CHCHD6: variants seen among roughly 807,000 people sequenced by gnomAD.
The protein encoded by CHCHD6 is coiled-coil-helix-coiled-coil-helix domain containing 6.
CHCHD6 carries 28 observed loss-of-function variants against 32.3 expected under a neutral mutation model. The observed-to-expected ratio is 0.87, with a 90% CI of 0.64 to 1.19. The LOEUF is 1.19. CHCHD6 is among the 50% of genes most tolerant of loss of function. The pLI, the probability that CHCHD6 is intolerant of heterozygous loss-of-function variation, is 0.00. For missense variants in CHCHD6, 333 were observed against 307.0 expected (o/e 1.08, Z -0.63); for synonymous variants, 122 against 117.5 (o/e 1.04, Z -0.25).
At chr3:126,782,320 T>G (rs943010180) in intron 4 of CHCHD6, among the ~76,000 whole-genome samples, 1 of 152,248 alleles carries the variant, frequency 6.6e-6, no homozygotes, top group Non-Finnish European at 1.5e-5. Flanking sequence ...TCCTAGTCTT[T>G]GGATGTTGCC....
At chr3:126,757,006 C>T (rs138949458) in intron 4 of CHCHD6, among the ~76,000 whole-genome samples, 3 of 152,330 alleles carry the variant, frequency 2.0e-5, no homozygotes, top group African/African-American at 7.2e-5. Context: ...ATTTCTACCT[C>T]TTCCTCCTTT....
chr3:126,850,374 A>G (rs1941431102), intron 4 of CHCHD6, among the ~76,000 whole-genome samples: 1 of 152,212 alleles, frequency 6.6e-6, no homozygotes, highest in Admixed American at 6.5e-5. Context: ...GATGTCCTCA[A>G]CGTTTCTTCC....
intron 6 of CHCHD6, among the ~76,000 whole-genome samples, chr3:126,917,215 G>A (rs2078184176): frequency 6.6e-6 from 1 of 152,244 alleles, no homozygotes; most frequent in South Asian, 2.1e-4. Flanking sequence ...TAAGTACTCT[G>A]CAAGGCGTTT....
intron 6 of CHCHD6, among the ~76,000 whole-genome samples, chr3:126,947,846 G>A (rs923021552): frequency 2.6e-5 from 4 of 152,192 alleles, no homozygotes; most frequent in African/African-American, 7.2e-5. Flanking sequence ...TTTAGGAACC[G>A]GCTCATAAGC....
chr3:126,878,181 G>C (rs1397294423), intron 5 of CHCHD6, among the ~76,000 whole-genome samples: 1 of 152,192 alleles, frequency 6.6e-6, no homozygotes, highest in Non-Finnish European at 1.5e-5. Flanking sequence ...ATGAATTCAG[G>C]GTTTTAAAGA....
chr3:126,803,391 CA>C (rs1243648671), intron 4 of CHCHD6, among the ~76,000 whole-genome samples: 1 of 151,432 alleles, frequency 6.6e-6, no homozygotes, highest in Non-Finnish European at 1.5e-5. Context: ...AAATGGAAAA[CA>C]AAAAAAGGCA....
chr3:126,719,347 A>G (rs1408138474), intron 1 of CHCHD6, among the ~76,000 whole-genome samples: 1 of 152,170 alleles, frequency 6.6e-6, no homozygotes, highest in Non-Finnish European at 1.5e-5. Flanking sequence ...CAGGAATGTC[A>G]CGGCTAAGCA....
chr3:126,744,750 C>A lies in CHCHD6; in HGVS notation c.411+11528C>A, dbSNP rs189255009. Reference sequence around the variant, plus strand: ...ACACCCAGGCTGGAGTGCAGTGGTGCGATCTCAGCTCACTGCAACCTCCGC... The same window carrying A: ...ACACCCAGGCTGGAGTGCAGTGGTGAGATCTCAGCTCACTGCAACCTCCGC... On this transcript the variant is annotated intron_variant, in intron 4 of 7. Coordinates refer to ENST00000290913, the MANE Select transcript of CHCHD6 (RefSeq NM_032343.3). Among the ~76,000 whole-genome samples the A allele has an allele frequency of 6.1e-3, 935 of 152,100 alleles. 8 individuals carry two copies. The highest frequency in any genetic ancestry group is 0.021 in the African/African-American group (881 of 41,462).
At chr3:126,827,944 T>G (rs961778661) in intron 4 of CHCHD6, among the ~76,000 whole-genome samples, 1 of 152,144 alleles carries the variant, frequency 6.6e-6, no homozygotes, top group Admixed American at 6.5e-5. Context: ...CCTATTTGGC[T>G]CTCTCCTCCC....
chr3:126,716,082 CCCT>C (rs1190635366), intron 1 of CHCHD6, among the ~76,000 whole-genome samples: 2 of 152,154 alleles, frequency 1.3e-5, no homozygotes, highest in African/African-American at 2.4e-5. Flanking sequence ...TGATTTCAGT[CCCT>C]CCTCCTGCTT....
intron 5 of CHCHD6, among the ~76,000 whole-genome samples, chr3:126,898,986 C>T (rs1471361575): frequency 6.6e-6 from 1 of 152,302 alleles, no homozygotes; most frequent in East Asian, 1.9e-4. Context: ...ACCTGTGGGG[C>T]ATTTGGTTCC....
Position 126,733,241 on chromosome 3 carries a change from T to C in CHCHD6, c.411+19T>C. On this transcript the variant is annotated intron_variant, in intron 4 of 7. Coordinates refer to ENST00000290913, the MANE Select transcript of CHCHD6 (RefSeq NM_032343.3). Reference sequence around the variant, plus strand: ...CCGGCTGGTGAGTGCAGATTTTCCCTGATCTGGCCTTCTGAGCTGGGCAGC... The same window carrying C: ...CCGGCTGGTGAGTGCAGATTTTCCCCGATCTGGCCTTCTGAGCTGGGCAGC... 1 of 1,608,506 alleles carries C rather than the reference T, an allele frequency of 6.2e-7. No homozygotes were observed. The highest frequency in any genetic ancestry group is 2.2e-5 in the East Asian group (1 of 44,678).
intron 6 of CHCHD6, among the ~76,000 whole-genome samples, chr3:126,924,132 G>A (rs528690105): frequency 2.6e-5 from 4 of 152,320 alleles, no homozygotes; most frequent in East Asian, 3.9e-4. Flanking sequence ...TACGGTGTGC[G>A]CCGTGCATGC....
At chr3:126,758,752 T>G (rs146145402) in intron 4 of CHCHD6, among the ~76,000 whole-genome samples, 95 of 152,282 alleles carry the variant, frequency 6.2e-4, no homozygotes, top group African/African-American at 2.3e-3. Flanking sequence ...AGACTTTCCT[T>G]TGCCAGGTCA....
chr3:126,720,433 T>TG (rs1223581002), intron 1 of CHCHD6, among the ~76,000 whole-genome samples: 9 of 152,202 alleles, frequency 5.9e-5, no homozygotes, highest in Middle Eastern at 3.4e-3. Context: ...CACTCTGAAA[T>TG]GGGGGGTGCT....
In CHCHD6 at chr3:126,957,472, A is replaced by C. The variant is rs1464514349; in HGVS notation, c.623A>C (p.Tyr208Ser). ...TTGCAGGCCCAGATTCTCCACTGCT[A>C]CCGAGATCGCCCGCATGAGGTGCTG... ...SGLQAQILHC[Y>S]RDRPHEVLLC... The change falls in exon 7 of 8, where the codon TAC becomes TCC. Residue 208 changes from tyrosine to serine, a missense_variant. Transcript: ENST00000290913. 1 of 1,609,968 alleles carries C rather than the reference A, an allele frequency of 6.2e-7. No individual in the cohort carries two copies. The highest frequency in any genetic ancestry group is 1.3e-5 in the African/African-American group (1 of 74,790).
At chr3:126,896,582 A>G (rs2077843063) in intron 5 of CHCHD6, among the ~76,000 whole-genome samples, 1 of 152,156 alleles carries the variant, frequency 6.6e-6, no homozygotes, top group African/African-American at 2.4e-5. Flanking sequence ...TCCATTGCCA[A>G]CTGGCCACTC....
chr3:126,861,512 C>T (rs1941865845), intron 5 of CHCHD6, among the ~76,000 whole-genome samples: 1 of 151,744 alleles, frequency 6.6e-6, no homozygotes, highest in Non-Finnish European at 1.5e-5. Flanking sequence ...CCTGCCACTG[C>T]CACCGCCACC....
In CHCHD6 at chr3:126,913,207, C is replaced by CTTTTTTTT. The variant is rs546179022; in HGVS notation, c.496-1443_496-1436dup. ...GGATAATCATGCTGCCCGTATGAGC[C>CTTTTTTTT]TTTTTTTTTTTTTTTTTTTTTTTTT... On this transcript the variant is annotated intron_variant, in intron 5 of 7. Coordinates refer to ENST00000290913, the MANE Select transcript of CHCHD6 (RefSeq NM_032343.3). Among the ~76,000 whole-genome samples the CTTTTTTTT allele has an allele frequency of 3.3e-4, 11 of 33,786 alleles. 2 individuals carry two copies. The highest frequency in any genetic ancestry group is 1.2e-3 in the African/African-American group (9 of 7,642). The allele number at this position is 33,786 out of a possible 152,430, so 22.2% of individuals were successfully genotyped here. A position where few individuals can be genotyped will look rare whatever the true frequency, so the allele number is the denominator to read the frequency against.
Sources: gnomAD v4.1 joint callset for allele counts (sites outside exome capture counted in the v4.1 genomes callset) on GRCh38, gnomAD v4.1.1 for gene constraint, MANE v1.5 for transcripts, NCBI Gene and HGNC (gene_info 2026-07-23, HGNC 2026-07-21) for gene names.